Variants in FKBP4 observed in about 807,000 individuals in gnomAD.
FKBP4 encodes FKBP prolyl isomerase 4, also known as peptidyl-prolyl cis-trans isomerase FKBP4.
A neutral mutation model predicts 54.1 loss-of-function variants in FKBP4; 28 were observed. The ratio of observed to expected loss-of-function variants is 0.52; its 90% CI spans 0.38 to 0.71. The LOEUF (loss-of-function observed/expected upper bound fraction) is 0.71, where lower values mean the gene tolerates loss of function less well. Ranked by LOEUF, FKBP4 falls within the 30% of genes least tolerant of loss-of-function variation. FKBP4 has a pLI of 0.00. For synonymous variants in FKBP4, 223 were observed against 216.1 expected (o/e 1.03, Z -0.28); for missense variants, 493 against 574.4 (o/e 0.86, Z 1.45).
Position 2,797,954 on chromosome 12 carries a change from C to A in FKBP4, c.393+83C>A, listed in dbSNP as rs2097902806. On this transcript the variant is annotated intron_variant, in intron 3 of 9. Coordinates refer to ENST00000001008, the MANE Select transcript of FKBP4 (RefSeq NM_002014.4). The stretch of plus-strand genomic sequence containing the variant: ...CCTGGCTGCCCTCCAGCCCTTCCTG[C>A]TTCTTGGAGACAATGTAGCCAAGGC... 2.0e-6 allele frequency: 3 copies of A among 1,504,478 alleles called. No homozygotes were observed. The Admixed American group carries it at 5.5e-5, about 28-fold the overall frequency. 93.2% of individuals were successfully genotyped at this position (1,504,478 alleles called of 1,614,324 possible).
chr12:2,796,064 C>T lies in FKBP4; in HGVS notation c.105+820C>T, dbSNP rs561196547. The T allele has an allele frequency of 3.4e-6, 4 of 1,183,258 alleles. No homozygotes were observed. In the African/African-American group the frequency reaches 4.8e-5, roughly 14 times the overall value. 73.3% of individuals were successfully genotyped at this position (1,183,258 alleles called of 1,614,324 possible). ...GGGAGCTGCGGGGAGGGCATCTTGA[C>T]CTGGGCCAGGACAACCTGCCTTGGG... On this transcript the variant is annotated intron_variant, in intron 1 of 9. Transcript: ENST00000001008.
rs150317804 is a variant in FKBP4, at chr12:2,800,065, A to G, written c.789A>G (p.Ser263=). The G allele has an allele frequency of 1.2e-6, 2 of 1,614,042 alleles. No homozygotes were observed. The highest frequency in any genetic ancestry group is 2.7e-5 in the African/African-American group (2 of 74,932). The change falls in exon 7 of 10, where the codon TCA becomes TCG. Residue 263 remains serine (S), a synonymous_variant. Coordinates refer to ENST00000001008, the MANE Select transcript of FKBP4 (RefSeq NM_002014.4). ...EKAKESWEMN[S]EEKLEQSTIV... ...CCAAGGAGTCTTGGGAGATGAATTC[A>G]GAAGAGAAGCTGGAACAGAGCACCA...
Position 2,803,459 on chromosome 12 carries a change from C to T in FKBP4, c.*201C>T, listed in dbSNP as rs1434528615. On this transcript the variant is annotated 3_prime_UTR_variant, in exon 10 of 10. Transcript: ENST00000001008. Reference sequence around the variant, plus strand: ...GAATCATTTTAGCTGGTGTCAGCCCCTCTTCCCTTCCTCCATTGCACATGA... The same window carrying T: ...GAATCATTTTAGCTGGTGTCAGCCCTTCTTCCCTTCCTCCATTGCACATGA... 7 of 568,568 alleles carry T rather than the reference C, an allele frequency of 1.2e-5. No homozygotes were observed. Among genetic ancestry groups the T allele is most frequent in the Non-Finnish European group, 2.2e-5 (7 of 316,300 alleles). The allele number at this position is 568,568 out of a possible 1,614,324, so 35.2% of individuals were successfully genotyped here. A position where few individuals can be genotyped will look rare whatever the true frequency, so the allele number is the denominator to read the frequency against.
chr12:2,797,426 T>C, intron 2 of FKBP4, 144 bp downstream of exon 2: 2 of 980,702 alleles, frequency 2.0e-6, no homozygotes, highest in Non-Finnish European at 3.0e-6. Flanking sequence ...TTTTTTTTTT[T>C]TCTACCGTTC....
chr12:2,801,398 A>G (rs1409438847), intron 9 of FKBP4, 42 bp downstream of exon 9: 8 of 1,608,802 alleles, frequency 5.0e-6, no homozygotes, highest in Non-Finnish European at 6.8e-6. Context: ...GCATCCCTCC[A>G]CTTAACCTGG....
chr12:2,795,155 A>G lies in FKBP4; in HGVS notation c.16A>G (p.Met6Val). 1.5e-6 allele frequency: 2 copies of G among 1,310,738 alleles called. No homozygotes were observed. Among genetic ancestry groups the G allele is most frequent in the Non-Finnish European group, 2.0e-6 (2 of 1,021,166 alleles). The allele number at this position is 1,310,738 out of a possible 1,614,324, so 81.2% of individuals were successfully genotyped here. ...CCGCGCGGAGATGACAGCCGAGGAG[A>G]TGAAGGCGACCGAGAGCGGGGCGCA... is the stretch of plus-strand genomic sequence containing the variant. MTAEE[M>V]KATESGAQSA... Residue 6 changes from methionine to valine, a missense_variant, in exon 1 of 10, where the codon ATG becomes GTG. Coordinates refer to ENST00000001008, the MANE Select transcript of FKBP4 (RefSeq NM_002014.4). This position sits in a 1 kb window ranked among gnomAD's most constrained non-coding sequence, Gnocchi z 4.3.
chr12:2,799,670 G>T (rs2097903679), intron 5 of FKBP4, among the ~76,000 whole-genome samples, 180 bp from the exon 6 acceptor site: 1 of 152,190 alleles, frequency 6.6e-6, no homozygotes, highest in African/African-American at 2.4e-5. Context: ...TATTAGAAGG[G>T]TATGAAGGAT....
chr12:2,798,927 C>A lies in FKBP4; in HGVS notation c.514+101C>A. The A allele has an allele frequency of 6.9e-7, 1 of 1,453,362 alleles. No homozygotes were observed. The highest frequency in any genetic ancestry group is 9.5e-7 in the Non-Finnish European group (1 of 1,052,586). 90.0% of individuals were successfully genotyped at this position (1,453,362 alleles called of 1,614,324 possible). ...CGTTCTCCGAGCCTATCTTCTTGTCCATAAAATGAGGGGTTGGACCATATT... is the reference window on the plus strand; with the variant it reads ...CGTTCTCCGAGCCTATCTTCTTGTCAATAAAATGAGGGGTTGGACCATATT... On this transcript the variant is annotated intron_variant, in intron 4 of 9. Coordinates refer to ENST00000001008, the MANE Select transcript of FKBP4 (RefSeq NM_002014.4). The surrounding 1 kb of genome is among the most constrained non-coding windows in gnomAD (Gnocchi z 4.3).
rs2097901252 is a variant in FKBP4, at chr12:2,795,600, C to T, written c.105+356C>T. The T allele has an allele frequency of 2.0e-5, 3 of 146,950 alleles. No individual in the cohort carries two copies. The highest frequency in any genetic ancestry group is 4.5e-5 in the Non-Finnish European group (3 of 66,082). 9.1% of individuals were successfully genotyped at this position (146,950 alleles called of 1,614,324 possible). On this transcript the variant is annotated intron_variant, in intron 1 of 9. Transcript: ENST00000001008. This position sits in a 1 kb window ranked among gnomAD's most constrained non-coding sequence, Gnocchi z 4.3. ...AGGCGACCGCCGCGGGCACCCGAGC[C>T]GCAGCCCGGGGCCAGGCCGGGCCTC...
rs755320293 is a variant in FKBP4, at chr12:2,799,848, A to G, written c.672-2A>G. ...GATACATAGTGTTTTTCACCCCTCC[A>G]GCTATGCTTTTGGCAGTGTTGGGAA... On this transcript the variant is annotated splice_acceptor_variant, in intron 5 of 9. Transcript: ENST00000001008. LOFTEE classifies it high-confidence loss of function. 2 of 1,613,524 alleles carry G rather than the reference A, an allele frequency of 1.2e-6. No individual in the cohort carries two copies. Among genetic ancestry groups the G allele is most frequent in the South Asian group, 1.1e-5 (1 of 91,034 alleles).
rs1395964488 is a variant in FKBP4, at chr12:2,798,375, C to G, written c.394-331C>G. Among the ~76,000 whole-genome samples the G allele has an allele frequency of 6.6e-6, 1 of 152,186 alleles. No individual in the cohort carries two copies. The highest frequency in any genetic ancestry group is 1.5e-5 in the Non-Finnish European group (1 of 68,034). ...GCTGAGAGATGTTGGGTAATCATTT[C>G]TAATACCTACCAGGTTGGGCTTATC... is the stretch of plus-strand genomic sequence containing the variant. On this transcript the variant is annotated intron_variant, in intron 3 of 9. Transcript: ENST00000001008. This position sits in a 1 kb window ranked among gnomAD's most constrained non-coding sequence, Gnocchi z 4.3.
intron 2 of FKBP4, among the ~76,000 whole-genome samples, 169 bp downstream of exon 2, chr12:2,797,451 T>A (rs1007481309): frequency 4.6e-5 from 7 of 151,660 alleles, no homozygotes; most frequent in African/African-American, 1.7e-4. Flanking sequence ...ACTATATTGA[T>A]CTCTGTCTCC....
At chr12:2,803,051 G>C (rs1192341050) in intron 9 of FKBP4, 100 bp from the exon 10 acceptor site, 2 of 855,724 alleles carry the variant, frequency 2.3e-6, no homozygotes, top group African/African-American at 1.7e-5. Context: ...CTTTAGGACA[G>C]ATGTAGGAGA....
Position 2,799,204 on chromosome 12 carries a change from A to G in FKBP4, c.631A>G (p.Met211Val). ...PYGLERAIQR[M>V]EKGEHSIVYL... ...TGGTCTGGAGAGGGCCATTCAGCGC[A>G]TGGAGAAAGGAGAACATTCCATCGT... The change falls in exon 5 of 10, where the codon ATG becomes GTG. Residue 211 changes from methionine (M) to valine (V), a missense_variant. Physicochemically the swap from Met to Val is conservative, Grantham distance 21 (BLOSUM62 1). Transcript: ENST00000001008. 6.4e-7 allele frequency: 1 copy of G among 1,572,600 alleles called. No individual in the cohort carries two copies. Among genetic ancestry groups the G allele is most frequent in the South Asian group, 1.2e-5 (1 of 84,094 alleles).
rs2097904613 is a variant in FKBP4 at position 2,801,288 on chromosome 12, A to G, written c.1204A>G (p.Arg402Gly). Residue 402 changes from arginine to glycine, a missense_variant, in exon 9 of 10, where the codon AGG (arginine) becomes GGG (glycine). Arg to Gly is a moderately radical substitution (Grantham distance 125, BLOSUM62 -2). Coordinates refer to ENST00000001008, the MANE Select transcript of FKBP4 (RefSeq NM_002014.4). ...QLAVCQQRIR[R>G]QLAREKKLYA... ...GGCTGTGTGCCAGCAGCGGATCCGAAGGCAGCTTGCCCGGGAGAAGAAGCT... is the reference window on the plus strand; with the variant it reads ...GGCTGTGTGCCAGCAGCGGATCCGAGGGCAGCTTGCCCGGGAGAAGAAGCT... 6.2e-7 allele frequency: 1 copy of G among 1,613,974 alleles called. No individual in the cohort carries two copies. Among genetic ancestry groups the G allele is most frequent in the East Asian group, 2.2e-5 (1 of 44,906 alleles).
At chr12:2,796,275 A>G in intron 1 of FKBP4, 1 of 1,288,948 alleles carries the variant, frequency 7.8e-7, no homozygotes, top group Non-Finnish European at 1.0e-6. Context: ...ATTATTGGGG[A>G]CCTCAAGCGT....
chr12:2,795,516 G>A lies in FKBP4; in HGVS notation c.105+272G>A, dbSNP rs2153918775. On this transcript the variant is annotated intron_variant, in intron 1 of 9. Transcript: ENST00000001008. This position sits in a 1 kb window ranked among gnomAD's most constrained non-coding sequence, Gnocchi z 4.3. ...GCCGGCAGCGCCCGGGCCCGGGCAGGGGGTCGGGATTGCAGTGCCCACCCC... is the reference window on the plus strand; with the variant it reads ...GCCGGCAGCGCCCGGGCCCGGGCAGAGGGTCGGGATTGCAGTGCCCACCCC... 6.8e-6 allele frequency: 1 copy of A among 147,046 alleles called. No individual in the cohort carries two copies. The highest frequency in any genetic ancestry group is 2.1e-4 in the South Asian group (1 of 4,798). The allele number at this position is 147,046 out of a possible 1,614,324, so 9.1% of individuals were successfully genotyped here.
chr12:2,796,171 C>G, intron 1 of FKBP4: 1 of 1,278,236 alleles, frequency 7.8e-7, no homozygotes, highest in Non-Finnish European at 1.0e-6. Flanking sequence ...CTGCTGCGTC[C>G]TCATCCTGGC....
Position 2,803,170 on chromosome 12 carries a change from C to T in FKBP4, c.1292C>T (p.Ser431Leu). The T allele has an allele frequency of 6.2e-7, 1 of 1,605,456 alleles. No homozygotes were observed. The highest frequency in any genetic ancestry group is 8.5e-7 in the Non-Finnish European group (1 of 1,175,960). ...TTGCAGGCCAAGGCAGAGGCTTCCTCAGGAGACCATCCCACTGACACAGAG... is the reference window on the plus strand; with the variant it reads ...TTGCAGGCCAAGGCAGAGGCTTCCTTAGGAGACCATCCCACTGACACAGAG... ...EENKAKAEAS[S>L]GDHPTDTEMK... The change falls in exon 10 of 10, where the codon TCA becomes TTA. Residue 431 changes from serine (S) to leucine (L), a missense_variant. Physicochemically the swap from Ser to Leu is moderately radical, Grantham distance 145 (BLOSUM62 -2). Coordinates refer to ENST00000001008, the MANE Select transcript of FKBP4 (RefSeq NM_002014.4).
Sources: gnomAD v4.1 joint callset for allele counts (sites outside exome capture counted in the v4.1 genomes callset) on GRCh38, gnomAD v4.1.1 for gene constraint, Gnocchi (gnomAD v3.1) non-coding constraint, MANE v1.5 for transcripts, NCBI Gene and HGNC (gene_info 2026-07-23, HGNC 2026-07-21) for gene names.